DYNC2LI1: variants seen among roughly 807,000 people sequenced by gnomAD.
The protein encoded by DYNC2LI1 is dynein cytoplasmic 2 light intermediate chain 1.
DYNC2LI1 carries 45 observed loss-of-function variants against 51.9 expected under a neutral mutation model. The observed-to-expected ratio is 0.87, with a 90% CI of 0.68 to 1.11. The LOEUF (loss-of-function observed/expected upper bound fraction) is 1.11, where lower values mean the gene tolerates loss of function less well. Among genes scored for constraint, DYNC2LI1 ranks in the 50% most tolerant of loss-of-function variants. The probability of loss-of-function intolerance (pLI) is 0.00; values close to 1 mark genes in which losing one functional copy is unlikely to be tolerated. For missense variants in DYNC2LI1, 490 were observed against 417.4 expected (o/e 1.17, Z -1.51); for synonymous variants, 130 against 137.8 (o/e 0.94, Z 0.40).
chr2:43,778,999 TA>T (rs1260162073), intron 2 of DYNC2LI1, among the ~76,000 whole-genome samples: 5 of 152,228 alleles, frequency 3.3e-5, no homozygotes, highest in African/African-American at 1.2e-4. Context: ...CTCATGCTTG[TA>T]ATCCCAGGAC....
the DYNC2LI1 span, among the ~76,000 whole-genome samples, chr2:43,816,220 T>G: frequency 6.6e-6 from 1 of 152,234 alleles, no homozygotes; most frequent in Non-Finnish European, 1.5e-5. Flanking sequence ...GCAGGCCTAA[T>G]TGGTCCAAGG....
chr2:43,802,869 A>G (rs1666120169), intron 10 of DYNC2LI1, among the ~76,000 whole-genome samples: 1 of 152,180 alleles, frequency 6.6e-6, no homozygotes, highest in Admixed American at 6.5e-5. Context: ...ATAAGCAGAC[A>G]TTTCATTTCA....
downstream of DYNC2LI1, chr2:43,813,454 A>G: frequency 2.9e-6 from 2 of 696,068 alleles, no homozygotes; most frequent in South Asian, 3.1e-5. Context: ...TGATGAAGCA[A>G]GAGTGAGCAG....
intron 2 of DYNC2LI1, among the ~76,000 whole-genome samples, chr2:43,780,395 A>G (rs990038178): frequency 6.6e-6 from 1 of 152,168 alleles, no homozygotes; most frequent in African/African-American, 2.4e-5. Flanking sequence ...TGAAAAGGTA[A>G]GGGAGATTGT....
At chr2:43,803,673 C>G (rs374959383) in intron 10 of DYNC2LI1, among the ~76,000 whole-genome samples, 12 of 152,182 alleles carry the variant, frequency 7.9e-5, no homozygotes, top group African/African-American at 2.6e-4. Flanking sequence ...TTGTATAGAA[C>G]TTAATATACA....
chr2:43,794,586 TA>T lies in DYNC2LI1; in HGVS notation c.453del (p.Ala152GlnfsTer5). On this transcript the variant is annotated frameshift_variant, in exon 6 of 13. Transcript: ENST00000260605. LOFTEE classifies it high-confidence loss of function. ...VIMKLGKTNAKAVSEMRQKIW... is the reference protein window; with the variant it reads ...VIMKLGKTNAXAVSEMRQKIW... ...TAATGAAACTGGGAAAGACAAATGC[TA>T]AAGCAGTTTCTGAAATGAGACAGAA... The T allele has an allele frequency of 6.2e-7, 1 of 1,614,108 alleles. No homozygotes were observed. Among genetic ancestry groups the T allele is most frequent in the Non-Finnish European group, 8.5e-7 (1 of 1,179,996 alleles).
chr2:43,778,779 A>C (rs1300353122), intron 2 of DYNC2LI1, among the ~76,000 whole-genome samples: 1 of 152,096 alleles, frequency 6.6e-6, no homozygotes, highest in African/African-American at 2.4e-5. Flanking sequence ...TGTAGTCATG[A>C]TACCCTGTTT....
At chr2:43,786,832 A>G (rs1012594121) in intron 3 of DYNC2LI1, among the ~76,000 whole-genome samples, 1 of 152,084 alleles carries the variant, frequency 6.6e-6, no homozygotes, top group Non-Finnish European at 1.5e-5. Context: ...TCTCAAAAAA[A>G]CAAAAACAAA....
At chr2:43,810,266 C>T, downstream of DYNC2LI1, 1 of 735,934 alleles carries the variant, frequency 1.4e-6, no homozygotes, top group Non-Finnish European at 1.7e-6. Context: ...TCCCAGGTCC[C>T]CACACCTAGA....
intron 8 of DYNC2LI1, among the ~76,000 whole-genome samples, chr2:43,798,172 A>G (rs539527901): frequency 6.6e-6 from 1 of 152,136 alleles, no homozygotes; most frequent in South Asian, 2.1e-4. Flanking sequence ...TTTTTCCTCC[A>G]AATTAAAGCA....
At chr2:43,788,908 T>C (rs987038086) in intron 4 of DYNC2LI1, among the ~76,000 whole-genome samples, 1 of 152,236 alleles carries the variant, frequency 6.6e-6, no homozygotes, top group African/African-American at 2.4e-5. Flanking sequence ...TGCTGGGGTT[T>C]ACAGGTGTGA....
At chr2:43,794,039 G>A (rs2104694967) in intron 5 of DYNC2LI1, 1 of 160,588 alleles carries the variant, frequency 6.2e-6, no homozygotes, top group South Asian at 1.8e-4. Context: ...TAGTTCCCTA[G>A]CAAGGTCCAC....
chr2:43,794,432 T>C lies in DYNC2LI1; in HGVS notation c.321-25T>C, dbSNP rs765740446. The C allele has an allele frequency of 2.5e-6, 4 of 1,578,872 alleles. No homozygotes were observed. In the East Asian group the frequency reaches 9.0e-5, roughly 35 times the overall value. On this transcript the variant is annotated intron_variant, in intron 5 of 12. Coordinates refer to ENST00000260605, the MANE Select transcript of DYNC2LI1 (RefSeq NM_016008.4). ...AAATGGTAATTATTTTGAGTCTTTT[T>C]TGAAAAGTGTTTTTATTTCTTTAGG... is the stretch of plus-strand genomic sequence containing the variant.
rs17031518 is a variant in DYNC2LI1, at chr2:43,780,952, T to G, written c.127-2568T>G. ...AGGGGACCAGAGTGTACTAATGAAT[T>G]TTTAAATTTTGGATTGTAATTTTAA... On this transcript the variant is annotated intron_variant, in intron 2 of 12. Coordinates refer to ENST00000260605, the MANE Select transcript of DYNC2LI1 (RefSeq NM_016008.4). 6.8e-3 allele frequency among the ~76,000 whole-genome samples: 1,041 copies of G among 152,314 alleles called. 12 individuals carry two copies. Among genetic ancestry groups the G allele is most frequent in the African/African-American group, 0.024 (985 of 41,562 alleles).
chr2:43,781,356 G>A (rs1403309410), intron 2 of DYNC2LI1, among the ~76,000 whole-genome samples: 1 of 146,310 alleles, frequency 6.8e-6, no homozygotes, highest in Non-Finnish European at 1.5e-5. Context: ...AACAGAGGGA[G>A]ACTCTGTCTC....
At chr2:43,800,554 A>G (rs1666039790) in intron 8 of DYNC2LI1, among the ~76,000 whole-genome samples, 2 of 152,176 alleles carry the variant, frequency 1.3e-5, no homozygotes, top group South Asian at 4.1e-4. Context: ...TATTTTAAAG[A>G]AATTATTTGA....
At chr2:43,787,126 G>A (rs897640144) in intron 3 of DYNC2LI1, 55 bp from the exon 4 acceptor site, 4 of 1,407,032 alleles carry the variant, frequency 2.8e-6, no homozygotes, top group Non-Finnish European at 3.0e-6. Context: ...TAAGGTGATA[G>A]CATAAGAAAC....
the DYNC2LI1 span, among the ~76,000 whole-genome samples, chr2:43,825,958 A>T: frequency 3.3e-5 from 5 of 151,124 alleles, no homozygotes; most frequent in African/African-American, 1.2e-4. Context: ...GTTGGCTCCA[A>T]TTCTCTAGCA....
chr2:43,777,041 T>C, intron 2 of DYNC2LI1, 142 bp downstream of exon 2: 1 of 458,298 alleles, frequency 2.2e-6, no homozygotes, highest in Non-Finnish European at 3.9e-6. Flanking sequence ...AAAGTGCTTA[T>C]TATTAATCTA....
Sources: gnomAD v4.1 joint callset for allele counts (sites outside exome capture counted in the v4.1 genomes callset) on GRCh38, gnomAD v4.1.1 for gene constraint, MANE v1.5 for transcripts, NCBI Gene and HGNC (gene_info 2026-07-23, HGNC 2026-07-21) for gene names.